The following HTR2C variants were observed in gnomAD, a reference collection of about 807,000 sequenced individuals.
HTR2C encodes the protein 5-hydroxytryptamine (serotonin) receptor 2C, G protein-coupled.
A neutral mutation model predicts 21.0 loss-of-function variants in HTR2C; 5 were observed. That is an observed-to-expected ratio of 0.24 (90% CI 0.12 to 0.50). HTR2C has a LOEUF of 0.50. HTR2C is among the 20% of genes least tolerant of loss of function. The pLI is 0.98. For synonymous variants in HTR2C, 150 were observed against 145.3 expected, an observed-to-expected ratio of 1.03 and a Z score of -0.23; for missense variants, 271 against 371.2, an observed-to-expected ratio of 0.73 and a Z score of 2.22.
chrX:114,848,942 GT>G (rs2070894654), intron 5 of HTR2C, among the ~76,000 whole-genome samples: 1 of 111,220 alleles, frequency 9.0e-6, no homozygotes, highest in Admixed American at 9.6e-5. Flanking sequence ...TCCTTTTCCA[GT>G]TGGTGTAAAT....
chrX:114,896,593 C>A (rs956404358), intron 5 of HTR2C, among the ~76,000 whole-genome samples: 1 of 111,683 alleles, frequency 9.0e-6, no homozygotes. Flanking sequence ...TTGTGAATAC[C>A]CACTTTCATC....
At chrX:114,761,978 C>CACGTATATATACATAT (rs2069879714) in intron 4 of HTR2C, among the ~76,000 whole-genome samples, 1 of 91,756 alleles carries the variant, frequency 1.1e-5, no homozygotes, top group Non-Finnish European at 2.1e-5. Flanking sequence ...TGTATATATA[C>CACGTATATATACATAT]GTGTATATAT....
chrX:114,756,155 C>T (rs189667411), intron 4 of HTR2C, among the ~76,000 whole-genome samples: 65 of 111,064 alleles, frequency 5.9e-4, no homozygotes, highest in Non-Finnish European at 8.9e-4. Flanking sequence ...TGAGATACTA[C>T]TCCATATCTA....
Position 114,907,881 on chromosome X carries a change from T to G in HTR2C, c.*466T>G. ...AAATATACACTTTACATTCTTGCTC[T>G]GCTCATCTACACATATAAACACAGT... On this transcript the variant is annotated 3_prime_UTR_variant, in exon 6 of 6. Transcript: ENST00000276198. The G allele has an allele frequency of 5.3e-4, 61 of 115,658 alleles. No individual in the cohort carries two copies. Among genetic ancestry groups the G allele is most frequent in the South Asian group, 2.1e-3 (6 of 2,916 alleles). 9.5% of individuals were successfully genotyped at this position (115,658 alleles called of 1,213,427 possible).
At chrX:114,606,979 C>T (rs1462016145) in intron 1 of HTR2C, among the ~76,000 whole-genome samples, 2 of 106,533 alleles carry the variant, frequency 1.9e-5, no homozygotes, top group Non-Finnish European at 3.9e-5. Context: ...TGTTCTCTGG[C>T]GGGCAGGAGT....
chrX:114,679,433 C>T (rs184201924), intron 2 of HTR2C, among the ~76,000 whole-genome samples: 1 of 110,177 alleles, frequency 9.1e-6, no homozygotes, highest in East Asian at 2.9e-4. Flanking sequence ...CACGCTCTAC[C>T]ATGCCTGGCT....
At chrX:114,806,064 C>CACCATATATATAT (rs782540656) in intron 4 of HTR2C, among the ~76,000 whole-genome samples, 11 of 87,361 alleles carry the variant, frequency 1.3e-4, no homozygotes. Flanking sequence ...ACCATATATA[C>CACCATATATATAT]ACCATATATA....
intron 4 of HTR2C, among the ~76,000 whole-genome samples, chrX:114,760,724 T>C (rs1490660938): frequency 9.0e-6 from 1 of 110,950 alleles, no homozygotes; most frequent in Non-Finnish European, 1.9e-5. Context: ...GGTCTCACTC[T>C]GTTGCCCAGG....
At chrX:114,595,670 G>T (rs1243487457) in intron 1 of HTR2C, among the ~76,000 whole-genome samples, 3 of 110,821 alleles carry the variant, frequency 2.7e-5, no homozygotes, top group African/African-American at 3.3e-5. Context: ...TATATATATA[G>T]AGAGAGTCAT....
chrX:114,778,101 A>G (rs1462117924), intron 4 of HTR2C, among the ~76,000 whole-genome samples: 5 of 111,692 alleles, frequency 4.5e-5, no homozygotes, highest in Non-Finnish European at 7.5e-5. Context: ...TAATGAAAGT[A>G]GAATGTACTG....
chrX:114,893,357 GAAAT>G (rs1299179364), intron 5 of HTR2C, among the ~76,000 whole-genome samples: 1 of 111,256 alleles, frequency 9.0e-6, no homozygotes, highest in Non-Finnish European at 1.9e-5. Flanking sequence ...CAAGAATAAA[GAAAT>G]AAATCAATGC....
chrX:114,683,676 C>T (rs1656642501), intron 2 of HTR2C, among the ~76,000 whole-genome samples: 1 of 110,950 alleles, frequency 9.0e-6, no homozygotes, highest in Admixed American at 9.6e-5. Context: ...CTACTCAGGA[C>T]CTCAGCTCCT....
At chrX:114,692,423 C>T (rs967950121) in intron 2 of HTR2C, among the ~76,000 whole-genome samples, 1 of 111,286 alleles carries the variant, frequency 9.0e-6, no homozygotes, top group Non-Finnish European at 1.9e-5. Flanking sequence ...AAATAAATAG[C>T]TTTATGTAAT....
At chrX:114,728,138 A>G (rs2069501063) in intron 3 of HTR2C, among the ~76,000 whole-genome samples, 2 of 112,477 alleles carry the variant, frequency 1.8e-5, no homozygotes, top group African/African-American at 6.4e-5. Flanking sequence ...CCTAGGTCAT[A>G]GAAAAACTCA....
chrX:114,722,863 G>T, intron 2 of HTR2C, among the ~76,000 whole-genome samples: 1 of 107,933 alleles, frequency 9.3e-6, no homozygotes, highest in Non-Finnish European at 1.9e-5. Flanking sequence ...CAGGGATGAA[G>T]CCCACTTGAT....
intron 2 of HTR2C, among the ~76,000 whole-genome samples, chrX:114,722,064 G>C (rs1933241030): frequency 2.7e-5 from 3 of 109,758 alleles, no homozygotes. Context: ...GAAAGTCCTT[G>C]GTAGCTTGAT....
intron 2 of HTR2C, among the ~76,000 whole-genome samples, chrX:114,723,669 C>T (rs1471521042): frequency 4.6e-4 from 51 of 110,214 alleles, no homozygotes; most frequent in Middle Eastern, 4.7e-3. Context: ...ATAAATTTCC[C>T]TCTACACACT....
At chrX:114,756,127 A>AC (rs200735387) in intron 4 of HTR2C, among the ~76,000 whole-genome samples, 3 of 104,441 alleles carry the variant, frequency 2.9e-5, no homozygotes, top group East Asian at 6.2e-4. Context: ...ATACAAAACA[A>AC]CCCCCCCCAA....
At chrX:114,813,611 T>G (rs1390702854) in intron 4 of HTR2C, among the ~76,000 whole-genome samples, 1 of 111,710 alleles carries the variant, frequency 9.0e-6, no homozygotes, top group African/African-American at 3.3e-5. Context: ...GATCTCTTTC[T>G]GTAGCAAGGA....
Sources: allele counts gnomAD v4.1 joint callset (sites outside exome capture counted in the v4.1 genomes callset), GRCh38; gene constraint gnomAD v4.1.1; transcripts MANE v1.5; gene names NCBI Gene and HGNC (gene_info 2026-07-23, HGNC 2026-07-21).